Variants in CCNB2 observed in about 807,000 individuals in gnomAD.
The protein encoded by CCNB2 is G2/mitotic-specific cyclin-B2.
A neutral mutation model predicts 51.1 loss-of-function variants in CCNB2; 39 were observed. The ratio of observed to expected loss-of-function variants is 0.76; its 90% CI spans 0.59 to 1.00. The LOEUF (loss-of-function observed/expected upper bound fraction) is 1.00, where lower values mean the gene tolerates loss of function less well. Ranked by LOEUF, CCNB2 falls within the 50% of genes least tolerant of loss-of-function variation. CCNB2 has a pLI of 0.00. For missense variants in CCNB2, 472 were observed against 470.3 expected, an observed-to-expected ratio of 1.00 and a Z score of -0.03; for synonymous variants, 174 against 165.5, an observed-to-expected ratio of 1.05 and a Z score of -0.40.
At chr15:59,105,733 G>T (rs867616829) in intron 1 of CCNB2, among the ~76,000 whole-genome samples, 1 of 152,224 alleles carries the variant, frequency 6.6e-6, no homozygotes, top group Non-Finnish European at 1.5e-5. Context: ...GGGTTCTGTA[G>T]GCAGTAAAGT....
chr15:59,114,421 T>C, intron 3 of CCNB2, 23 bp from the exon 4 acceptor site: 1 of 1,553,930 alleles, frequency 6.4e-7, no homozygotes, highest in Non-Finnish European at 8.7e-7. Flanking sequence ...TGCTCCTACA[T>C]GTGCCTAAAT....
intron 1 of CCNB2, among the ~76,000 whole-genome samples, chr15:59,105,748 G>T (rs16953412): frequency 0.039 from 5,870 of 152,282 alleles, 235 homozygotes; most frequent in African/African-American, 0.1. Flanking sequence ...TAAAGTGTAC[G>T]GCGTGTTTCA....
chr15:59,110,827 G>GT (rs1378927809), intron 3 of CCNB2, among the ~76,000 whole-genome samples: 1 of 152,172 alleles, frequency 6.6e-6, no homozygotes, highest in East Asian at 1.9e-4. Flanking sequence ...AGAAAATGGT[G>GT]TTTTTTGCTG....
chr15:59,105,146 G>A lies in CCNB2; in HGVS notation c.-123G>A, dbSNP rs1289080177. ...AATCCTGGAACAAGGCTACAGCGTC[G>A]AAGATCCCCAGCGCTGCGGGCTCGG... On this transcript the variant is annotated 5_prime_UTR_variant, in exon 1 of 9. Coordinates refer to ENST00000288207, the MANE Select transcript of CCNB2 (RefSeq NM_004701.4). 2.2e-6 allele frequency: 2 copies of A among 901,722 alleles called. No individual in the cohort carries two copies. The highest frequency in any genetic ancestry group is 2.6e-5 in the Admixed American group (1 of 38,884). 55.9% of individuals were successfully genotyped at this position (901,722 alleles called of 1,614,324 possible).
At chr15:59,116,429 T>C (rs17302191) in intron 5 of CCNB2, among the ~76,000 whole-genome samples, 48,592 of 152,042 alleles carry the variant, frequency 0.32, 7,852 homozygotes, top group East Asian at 0.45. Flanking sequence ...TATTTGTAAT[T>C]GAGGAATAAA....
At chr15:59,108,803 T>C (rs961615408) in intron 3 of CCNB2, among the ~76,000 whole-genome samples, 32 of 152,206 alleles carry the variant, frequency 2.1e-4, no homozygotes, top group Non-Finnish European at 4.3e-4. Context: ...TTTGTCAGCT[T>C]TCTTCACAGA....
At chr15:59,117,492 A>T in intron 7 of CCNB2, 124 bp downstream of exon 7, 1 of 1,006,248 alleles carries the variant, frequency 9.9e-7, no homozygotes, top group Non-Finnish European at 1.5e-6. Flanking sequence ...TTTTTGAGAC[A>T]GGGTCTCATT....
Position 59,117,225 on chromosome 15 carries a change from T to G in CCNB2, c.835-3T>G. ...CTTACTATCCCTTGCTGTTCTTTCTTAGGTTGATGTTGAACAGCACACTTT... is the reference window on the plus strand; with the variant it reads ...CTTACTATCCCTTGCTGTTCTTTCTGAGGTTGATGTTGAACAGCACACTTT... On this transcript the variant is annotated splice_region_variant and splice_polypyrimidine_tract_variant and intron_variant, in intron 6 of 8. Transcript: ENST00000288207. The G allele has an allele frequency of 6.2e-7, 1 of 1,611,804 alleles. No homozygotes were observed. The highest frequency in any genetic ancestry group is 8.5e-7 in the Non-Finnish European group (1 of 1,179,434).
chr15:59,116,982 A>T, intron 6 of CCNB2, 56 bp downstream of exon 6: 1 of 1,387,874 alleles, frequency 7.2e-7, no homozygotes, highest in Non-Finnish European at 1.0e-6. Flanking sequence ...CATCCCAGAA[A>T]CCTTGACCTA....
intron 1 of CCNB2, among the ~76,000 whole-genome samples, chr15:59,105,931 G>A (rs2140284690): frequency 6.6e-6 from 1 of 152,154 alleles, no homozygotes; most frequent in African/African-American, 2.4e-5. Flanking sequence ...ATATAATTTG[G>A]ACCAATGTGG....
At chr15:59,114,649 A>G in intron 4 of CCNB2, 35 bp downstream of exon 4, 2 of 1,587,292 alleles carry the variant, frequency 1.3e-6, no homozygotes, top group Non-Finnish European at 1.7e-6. Context: ...TGTATAAGCA[A>G]TGTGGAATTT....
intron 7 of CCNB2, among the ~76,000 whole-genome samples, chr15:59,122,008 C>CT (rs1190985951): frequency 7.4e-6 from 1 of 135,474 alleles, no homozygotes; most frequent in Non-Finnish European, 1.5e-5. Flanking sequence ...GTTTCAGCTA[C>CT]TAGGGAGGTT....
At chr15:59,118,396 C>T (rs1300909768) in intron 7 of CCNB2, among the ~76,000 whole-genome samples, 5 of 152,224 alleles carry the variant, frequency 3.3e-5, no homozygotes, top group East Asian at 1.9e-4. Context: ...CTAGGGGATA[C>T]GAAGCTGTCT....
intron 7 of CCNB2, among the ~76,000 whole-genome samples, chr15:59,122,115 T>C (rs987257549): frequency 6.6e-6 from 1 of 151,678 alleles, no homozygotes; most frequent in Non-Finnish European, 1.5e-5. Context: ...TGAGACCCGG[T>C]CTTCAAAGAA....
intron 8 of CCNB2, chr15:59,124,499 A>G (rs917188762): frequency 3.4e-5 from 15 of 436,286 alleles, no homozygotes; most frequent in African/African-American, 3.1e-4. Flanking sequence ...TCCCTCTGGT[A>G]GCCTACAAGA....
chr15:59,105,266 C>T lies in CCNB2; in HGVS notation c.-3C>T, dbSNP rs771457855. The T allele has an allele frequency of 3.8e-6, 6 of 1,567,560 alleles. No homozygotes were observed. Among genetic ancestry groups the T allele is most frequent in the East Asian group, 2.4e-5 (1 of 42,428 alleles). ...GCTGGCACTCTTGCCTTCCCCGTCC[C>T]TCATGGCGCTGCTCCGACGCCCGAC... is the stretch of plus-strand genomic sequence containing the variant. On this transcript the variant is annotated 5_prime_UTR_variant, in exon 1 of 9. Transcript: ENST00000288207.
At position 59,107,449 on chromosome 15, in the gene CCNB2, A is replaced by T; in HGVS notation, c.152A>T (p.Lys51Met). 6.2e-7 allele frequency: 1 copy of T among 1,614,160 alleles called. No individual in the cohort carries two copies. Among genetic ancestry groups the T allele is most frequent in the Non-Finnish European group, 8.5e-7 (1 of 1,180,010 alleles). ...ACAACCAGAGCAGCACAAGTAGCTA[A>T]GGTAACAATGATGAAGACTGAATGT... is the stretch of plus-strand genomic sequence containing the variant. ...RVTTRAAQVAKKAQNTKVPVQ... is the reference protein window; with the variant it reads ...RVTTRAAQVAMKAQNTKVPVQ... The change falls in exon 2 of 9, where the codon AAG (lysine) becomes ATG (methionine). Residue 51 changes from lysine to methionine, a missense_variant and splice_region_variant. By Grantham distance (95) the Lys-to-Met change is moderately conservative (BLOSUM62 -1). Transcript: ENST00000288207.
In CCNB2 at chr15:59,117,275, T is replaced by A. The variant is rs2079283039; in HGVS notation, c.882T>A (p.Thr294=). 1 of 1,613,512 alleles carries A rather than the reference T, an allele frequency of 6.2e-7. No homozygotes were observed. Among genetic ancestry groups the A allele is most frequent in the Non-Finnish European group, 8.5e-7 (1 of 1,179,944 alleles). Residue 294 remains threonine (T), a synonymous_variant, in exon 7 of 9, where the codon ACT becomes ACA. Coordinates refer to ENST00000288207, the MANE Select transcript of CCNB2 (RefSeq NM_004701.4). ...TAGCCAAGTATTTGATGGAGCTGAC[T>A]CTCATCGACTATGATATGGTGCATT... ...HTLAKYLMEL[T]LIDYDMVHYH...
Position 59,116,698 on chromosome 15 carries a change from A to G in CCNB2, c.606A>G (p.Pro202=), listed in dbSNP as rs1344040544. The change falls in exon 6 of 9, where the codon CCA becomes CCG. Residue 202 remains proline (P), a synonymous_variant. Coordinates refer to ENST00000288207, the MANE Select transcript of CCNB2 (RefSeq NM_004701.4). ...GIMDRFLQVQ[P]VSRKKLQLVG... is the part of the protein sequence containing the mutation. The stretch of plus-strand genomic sequence containing the variant: ...CATTAATTTTCCATTAGGTTCAGCC[A>G]GTTTCCCGGAAGAAGCTTCAATTAG... 6.2e-7 allele frequency: 1 copy of G among 1,608,992 alleles called. No homozygotes were observed. Among genetic ancestry groups the G allele is most frequent in the African/African-American group, 1.3e-5 (1 of 74,912 alleles).
Sources: allele counts gnomAD v4.1 joint callset (sites outside exome capture counted in the v4.1 genomes callset), GRCh38; gene constraint gnomAD v4.1.1; transcripts MANE v1.5; gene names NCBI Gene and HGNC (gene_info 2026-07-23, HGNC 2026-07-21).